The following CNTNAP2 variants were observed in gnomAD, a reference collection of about 807,000 sequenced individuals.
CNTNAP2 encodes the protein contactin associated protein 2.
Under a neutral mutation model 155.2 loss-of-function variants are expected in CNTNAP2, and 98 were observed. The observed-to-expected ratio is 0.63, with a 90% CI of 0.54 to 0.75. The LOEUF is 0.75. Among genes scored for constraint, CNTNAP2 ranks in the 30% least tolerant of loss-of-function variants. CNTNAP2 has a pLI of 0.00. For synonymous variants in CNTNAP2, 651 were observed against 631.2 expected, an observed-to-expected ratio of 1.03 and a Z score of -0.47; for missense variants, 1,727 against 1,688.1, an observed-to-expected ratio of 1.02 and a Z score of -0.40.
At chr7:148,012,163 C>T (rs1389477416) in intron 15 of CNTNAP2, among the ~76,000 whole-genome samples, 1 of 152,158 alleles carries the variant, frequency 6.6e-6, no homozygotes, top group Non-Finnish European at 1.5e-5. Context: ...AGTGATCTTC[C>T]CCCCTCAGTC....
At chr7:147,796,371 T>C (rs1797895434) in intron 13 of CNTNAP2, among the ~76,000 whole-genome samples, 1 of 152,134 alleles carries the variant, frequency 6.6e-6, no homozygotes, top group Admixed American at 6.5e-5. Context: ...TTAATGACAA[T>C]TGAAGGAAGC....
At chr7:148,141,530 G>C (rs1052099263) in intron 16 of CNTNAP2, among the ~76,000 whole-genome samples, 1 of 152,160 alleles carries the variant, frequency 6.6e-6, no homozygotes, top group Non-Finnish European at 1.5e-5. Context: ...GCCTTCCTAG[G>C]CAGGAGTAGT....
chr7:146,884,924 A>C (rs745766461), intron 3 of CNTNAP2, among the ~76,000 whole-genome samples: 3 of 152,192 alleles, frequency 2.0e-5, no homozygotes, highest in Non-Finnish European at 4.4e-5. Flanking sequence ...TCTCAATGTC[A>C]TATATGCCTT....
At chr7:148,120,150 T>C (rs766672625) in intron 16 of CNTNAP2, among the ~76,000 whole-genome samples, 2 of 149,684 alleles carry the variant, frequency 1.3e-5, no homozygotes, top group Non-Finnish European at 3.0e-5. Context: ...CATCTTTATT[T>C]TATGTCCTCA....
intron 5 of CNTNAP2, among the ~76,000 whole-genome samples, chr7:147,111,261 A>C (rs1584850366): frequency 6.6e-6 from 1 of 152,168 alleles, no homozygotes; most frequent in East Asian, 1.9e-4. Flanking sequence ...CAGAAGCTAG[A>C]TATTAGACCT....
intron 1 of CNTNAP2, among the ~76,000 whole-genome samples, chr7:146,564,748 G>A (rs1287277974): frequency 6.6e-6 from 1 of 151,628 alleles, no homozygotes; most frequent in Non-Finnish European, 1.5e-5. Flanking sequence ...CAGTCTGATT[G>A]TCTTTTATTA....
chr7:146,617,686 G>T (rs1008870052), intron 1 of CNTNAP2, among the ~76,000 whole-genome samples: 2 of 152,188 alleles, frequency 1.3e-5, no homozygotes, highest in Admixed American at 6.5e-5. Context: ...AACTGAAACT[G>T]TGGGCTGAAT....
intron 8 of CNTNAP2, among the ~76,000 whole-genome samples, chr7:147,228,493 G>C (rs1041933888): frequency 1.3e-5 from 2 of 152,286 alleles, no homozygotes; most frequent in South Asian, 4.1e-4. Flanking sequence ...TGTTAAAAGA[G>C]GGAAGACTGA....
At chr7:146,336,312 G>A (rs1045876911) in intron 1 of CNTNAP2, among the ~76,000 whole-genome samples, 8 of 151,898 alleles carry the variant, frequency 5.3e-5, no homozygotes, top group South Asian at 2.1e-4. Flanking sequence ...AGGAGCTCTC[G>A]GTAATTTACT....
intron 9 of CNTNAP2, among the ~76,000 whole-genome samples, chr7:147,327,277 C>T (rs1353147417): frequency 1.3e-5 from 2 of 152,128 alleles, no homozygotes; most frequent in African/African-American, 2.4e-5. Flanking sequence ...TTATGATGTC[C>T]ATTGAAGAGC....
chr7:146,272,521 C>T (rs1415694511), intron 1 of CNTNAP2, among the ~76,000 whole-genome samples: 3 of 152,202 alleles, frequency 2.0e-5, no homozygotes, highest in African/African-American at 7.2e-5. Context: ...TGGCTCCCCG[C>T]TGGTAGAAGT....
intron 13 of CNTNAP2, chr7:147,894,053 A>G (rs1799736329): frequency 6.6e-6 from 1 of 152,182 alleles, no homozygotes; most frequent in Non-Finnish European, 1.5e-5. Flanking sequence ...TAGAGGCTAC[A>G]GCACCTCCAA....
intron 1 of CNTNAP2, among the ~76,000 whole-genome samples, chr7:146,528,614 G>A (rs551118329): frequency 1.3e-5 from 2 of 152,258 alleles, no homozygotes; most frequent in Admixed American, 1.3e-4. Context: ...TAGAGAGATT[G>A]TTTTACTCTT....
intron 1 of CNTNAP2, among the ~76,000 whole-genome samples, chr7:146,377,440 C>T (rs952616273): frequency 1.3e-5 from 2 of 152,142 alleles, no homozygotes; most frequent in Non-Finnish European, 2.9e-5. Flanking sequence ...TTAAGTACCA[C>T]CTATATACTG....
chr7:147,123,887 C>T (rs775810567), intron 6 of CNTNAP2, among the ~76,000 whole-genome samples: 4 of 151,928 alleles, frequency 2.6e-5, no homozygotes, highest in Non-Finnish European at 5.9e-5. Flanking sequence ...ACTAAAAATA[C>T]AAAAATTAGC....
chr7:147,084,799 T>C (rs1049964750), intron 4 of CNTNAP2, among the ~76,000 whole-genome samples: 3 of 147,650 alleles, frequency 2.0e-5, no homozygotes, highest in African/African-American at 4.9e-5. Flanking sequence ...GTAATACATA[T>C]AATTTTATGT....
intron 11 of CNTNAP2, among the ~76,000 whole-genome samples, chr7:147,508,846 C>T (rs534615991): frequency 6.6e-6 from 1 of 152,112 alleles, no homozygotes; most frequent in Non-Finnish European, 1.5e-5. Context: ...GTGAGGCCTC[C>T]GCAGCCATGT....
chr7:147,507,719 AT>A (rs563690297), intron 11 of CNTNAP2, among the ~76,000 whole-genome samples: 1 of 151,392 alleles, frequency 6.6e-6, no homozygotes, highest in African/African-American at 2.4e-5. Flanking sequence ...CGCGCGGCTA[AT>A]TTTTTGTATT....
chr7:146,117,100 A>G, intron 1 of CNTNAP2, 127 bp downstream of exon 1: 1 of 796,542 alleles, frequency 1.3e-6, no homozygotes, highest in Admixed American at 2.1e-5. Context: ...CTCCGCTGTC[A>G]CACACTTGCA....
Sources: allele counts gnomAD v4.1 joint callset (sites outside exome capture counted in the v4.1 genomes callset), GRCh38; gene constraint gnomAD v4.1.1; transcripts MANE v1.5; gene names NCBI Gene and HGNC (gene_info 2026-07-23, HGNC 2026-07-21).